The following XKR4 variants were observed in gnomAD, a reference collection of about 807,000 sequenced individuals.
The protein encoded by XKR4 is XK-related protein 4.
Under a neutral mutation model 53.9 loss-of-function variants are expected in XKR4, and 12 were observed. That is an observed-to-expected ratio of 0.22 (90% CI 0.14 to 0.36). The LOEUF (loss-of-function observed/expected upper bound fraction) is 0.36. Ranked by LOEUF, XKR4 falls within the 10% of genes least tolerant of loss-of-function variation. XKR4 has a pLI of 1.00. For synonymous variants in XKR4, 354 were observed against 362.4 expected, an observed-to-expected ratio of 0.98 and a Z score of 0.26; for missense variants, 799 against 859.5, an observed-to-expected ratio of 0.93 and a Z score of 0.88.
intron 2 of XKR4, among the ~76,000 whole-genome samples, chr8:55,457,504 A>C (rs1286536546): frequency 6.6e-6 from 1 of 152,232 alleles, no homozygotes; most frequent in Non-Finnish European, 1.5e-5. Context: ...TCCCCAAAAA[A>C]TAAAAGCAAA....
At chr8:55,191,205 TCCTCCTC>T (rs1331261173) in intron 1 of XKR4, among the ~76,000 whole-genome samples, 1 of 152,060 alleles carries the variant, frequency 6.6e-6, no homozygotes, top group Non-Finnish European at 1.5e-5. Flanking sequence ...CACCTCCACC[TCCTCCTC>T]CAGCCATCCA....
chr8:55,454,345 C>G, intron 2 of XKR4: 1 of 1,507,744 alleles, frequency 6.6e-7, no homozygotes, highest in Non-Finnish European at 9.2e-7. Context: ...GGGCCTCCAG[C>G]AGCTGGGCCG....
At chr8:55,224,547 T>C (rs549931150) in intron 1 of XKR4, among the ~76,000 whole-genome samples, 1 of 152,298 alleles carries the variant, frequency 6.6e-6, no homozygotes, top group East Asian at 1.9e-4. Context: ...TATAAACTCC[T>C]TTAAAAATAG....
intron 1 of XKR4, among the ~76,000 whole-genome samples, chr8:55,239,818 C>T (rs1286606067): frequency 6.6e-6 from 1 of 152,184 alleles, no homozygotes; most frequent in East Asian, 1.9e-4. Context: ...AAAGTGGCCT[C>T]CTACACACCA....
Position 55,524,303 on chromosome 8 carries a change from T to A in XKR4, c.*76T>A. ...GGGCTGTGGCCATAATGACACTTCATCCTAGAGCAGGGCAGTGAGCCGTGA... is the reference window on the plus strand; with the variant it reads ...GGGCTGTGGCCATAATGACACTTCAACCTAGAGCAGGGCAGTGAGCCGTGA... On this transcript the variant is annotated 3_prime_UTR_variant, in exon 3 of 3. Coordinates refer to ENST00000327381, the MANE Select transcript of XKR4 (RefSeq NM_052898.2). The A allele has an allele frequency of 7.1e-7, 1 of 1,414,776 alleles. No individual in the cohort carries two copies. The highest frequency in any genetic ancestry group is 9.7e-7 in the Non-Finnish European group (1 of 1,034,748). The allele number at this position is 1,414,776 out of a possible 1,614,324, so 87.6% of individuals were successfully genotyped here. A position where few individuals can be genotyped will look rare whatever the true frequency, so the allele number is the denominator to read the frequency against.
chr8:55,241,836 T>C (rs1000085872), intron 1 of XKR4, among the ~76,000 whole-genome samples: 2 of 152,218 alleles, frequency 1.3e-5, no homozygotes, highest in African/African-American at 4.8e-5. Context: ...ACTCAGTGAA[T>C]GATATCTATT....
intron 2 of XKR4, among the ~76,000 whole-genome samples, chr8:55,518,612 C>T (rs1488958671): frequency 1.3e-5 from 2 of 152,226 alleles, no homozygotes. Flanking sequence ...TTGTCACCTA[C>T]AGCCAGATTG....
intron 1 of XKR4, among the ~76,000 whole-genome samples, chr8:55,350,163 A>G (rs958507206): frequency 6.6e-6 from 1 of 152,164 alleles, no homozygotes; most frequent in African/African-American, 2.4e-5. Context: ...GGTTTTAACC[A>G]TTTTTTGTAC....
chr8:55,381,976 C>T (rs927366638), intron 2 of XKR4, among the ~76,000 whole-genome samples: 1 of 152,150 alleles, frequency 6.6e-6, no homozygotes, highest in Non-Finnish European at 1.5e-5. Flanking sequence ...CAGAAAGAGA[C>T]CTTATGTTTT....
At chr8:55,452,619 T>C in intron 2 of XKR4, 2 of 1,201,420 alleles carry the variant, frequency 1.7e-6, no homozygotes, top group Non-Finnish European at 1.2e-6. Context: ...CTGGACGATG[T>C]CTGGCACCAT....
chr8:55,454,361 A>T, intron 2 of XKR4: 1 of 1,509,896 alleles, frequency 6.6e-7, no homozygotes. Flanking sequence ...GGCCGGCAGG[A>T]TGGGCACATA....
chr8:55,378,333 A>G (rs183055227), intron 2 of XKR4, among the ~76,000 whole-genome samples: 1 of 152,208 alleles, frequency 6.6e-6, no homozygotes, highest in Non-Finnish European at 1.5e-5. Context: ...GTGGCTAATA[A>G]CGTGCAAATG....
intron 2 of XKR4, among the ~76,000 whole-genome samples, chr8:55,399,347 C>A (rs921890205): frequency 3.9e-5 from 6 of 152,206 alleles, no homozygotes; most frequent in Non-Finnish European, 7.3e-5. Flanking sequence ...TAAAGTACTA[C>A]CAACACTTAC....
intron 2 of XKR4, among the ~76,000 whole-genome samples, chr8:55,508,436 C>A (rs72649511): frequency 1.1e-3 from 164 of 152,228 alleles, no homozygotes; most frequent in Non-Finnish European, 2.0e-3. Context: ...TCTGGAAGTG[C>A]AGCAATGAAT....
chr8:55,311,829 C>CAAAAAAAAAAAAAAAAAAAAAAAA (rs57826022), intron 1 of XKR4, among the ~76,000 whole-genome samples: 4 of 98,570 alleles, frequency 4.1e-5, no homozygotes, highest in Non-Finnish European at 8.2e-5. Flanking sequence ...TGTAATTTAG[C>CAAAAAAAAAAAAAAAAAAAAAAAA]AAAAAAAAAA....
intron 1 of XKR4, among the ~76,000 whole-genome samples, chr8:55,170,060 A>T (rs764017808): frequency 6.6e-6 from 1 of 152,168 alleles, no homozygotes; most frequent in African/African-American, 2.4e-5. Flanking sequence ...CCTGCTTCAA[A>T]TTTGTATTCA....
chr8:55,425,106 G>A lies in XKR4; in HGVS notation c.1006+67229G>A, dbSNP rs112210729. Among the ~76,000 whole-genome samples the A allele has an allele frequency of 3.7e-3, 568 of 152,194 alleles. 4 individuals are homozygous for A. Among genetic ancestry groups the A allele is most frequent in the African/African-American group, 0.013 (534 of 41,530 alleles). ...GCCCCAGTCCTCATCAAGCCCTATT[G>A]TCTTAACTCCACATAGAGGCCCTCA... On this transcript the variant is annotated intron_variant, in intron 2 of 2. Transcript: ENST00000327381.
At chr8:55,443,869 A>G (rs150654692) in intron 2 of XKR4, among the ~76,000 whole-genome samples, 69 of 151,564 alleles carry the variant, frequency 4.6e-4, no homozygotes, top group African/African-American at 1.6e-3. Flanking sequence ...GAAAAGAAAA[A>G]AAAAGAAAAA....
chr8:55,261,932 G>A (rs2129371245), intron 1 of XKR4, among the ~76,000 whole-genome samples: 1 of 151,794 alleles, frequency 6.6e-6, no homozygotes, highest in East Asian at 1.9e-4. Flanking sequence ...TAGACTGTAA[G>A]CAGTATCTTT....
Sources: allele counts gnomAD v4.1 joint callset (sites outside exome capture counted in the v4.1 genomes callset), GRCh38; gene constraint gnomAD v4.1.1; transcripts MANE v1.5; gene names NCBI Gene and HGNC (gene_info 2026-07-23, HGNC 2026-07-21).